The following MOCOS variants were observed in gnomAD, a reference collection of about 807,000 sequenced individuals.
MOCOS encodes the protein human molybdenum cofactor sulfurase.
In MOCOS, 86 loss-of-function variants were observed where a neutral mutation model predicts 83.6. The observed-to-expected ratio is 1.03, with a 90% CI of 0.86 to 1.23. The LOEUF is 1.23. MOCOS is among the 50% of genes most tolerant of loss of function. The pLI, the probability that MOCOS is intolerant of heterozygous loss-of-function variation, is 0.00. For synonymous variants in MOCOS, 445 were observed against 434.7 expected (o/e 1.02, Z -0.29); for missense variants, 1,120 against 1,126.9 (o/e 0.99, Z 0.09).
intron 8 of MOCOS, among the ~76,000 whole-genome samples, chr18:36,218,007 C>T (rs111633109): frequency 3.9e-5 from 6 of 152,098 alleles, no homozygotes; most frequent in Non-Finnish European, 7.4e-5. Context: ...CAAAGAACAT[C>T]ATCTCCATTA....
rs573860399 is a variant in MOCOS, at chr18:36,208,923, G to A, written c.1218+3647G>A. ...TTGCCCATTCAGTATGATGTTGGGT[G>A]TAGTTTTGTCATAGATGGGTCTTGT... On this transcript the variant is annotated intron_variant, in intron 6 of 14. Transcript: ENST00000261326. Among the ~76,000 whole-genome samples, 153 of 152,298 alleles carry A rather than the reference G, an allele frequency of 1.0e-3. 4 individuals carry two copies. Among genetic ancestry groups the A allele is most frequent in the African/African-American group, 3.6e-3 (149 of 41,556 alleles).
intron 2 of MOCOS, among the ~76,000 whole-genome samples, chr18:36,197,897 A>G (rs1394928967): frequency 6.6e-6 from 1 of 152,222 alleles, no homozygotes; most frequent in Non-Finnish European, 1.5e-5. Flanking sequence ...TGCCCATTAC[A>G]GCTAATCCTT....
chr18:36,200,064 G>A lies in MOCOS; in HGVS notation c.681G>A (p.Val227=). The A allele has an allele frequency of 6.2e-7, 1 of 1,614,142 alleles. No homozygotes were observed. The highest frequency in any genetic ancestry group is 1.3e-5 in the African/African-American group (1 of 75,046). ...TCAAGTCTGGGCGGTTGCACCCTGT[G>A]AGCACGCCTGGGAAGTGGTTTGTGC... The part of the protein sequence containing the change: ...EEVKSGRLHP[V]STPGKWFVLL... The change falls in exon 4 of 15, where the codon GTG becomes GTA. Residue 227 remains valine (V), a synonymous_variant. Coordinates refer to ENST00000261326, the MANE Select transcript of MOCOS (RefSeq NM_017947.4).
chr18:36,259,911 T>A lies in MOCOS; in HGVS notation c.2271-126T>A, dbSNP rs572932540. ...TCATGGTAAAAGTCTGTTTTGATTA[T>A]CCAGGGCACAGGCCACAGTAGAGCT... On this transcript the variant is annotated intron_variant, in intron 12 of 14. Transcript: ENST00000261326. 3.9e-4 allele frequency: 527 copies of A among 1,336,212 alleles called. 7 individuals are homozygous for A. In the South Asian group the frequency reaches 5.8e-3, roughly 15 times the overall value. 82.8% of individuals were successfully genotyped at this position (1,336,212 alleles called of 1,614,324 possible).
At chr18:36,236,721 G>T (rs550862568) in intron 9 of MOCOS, among the ~76,000 whole-genome samples, 1 of 141,826 alleles carries the variant, frequency 7.1e-6, no homozygotes, top group Non-Finnish European at 1.5e-5. Flanking sequence ...ATTACCTTGG[G>T]CAGTATGGCC....
intron 13 of MOCOS, among the ~76,000 whole-genome samples, chr18:36,262,249 C>CTACACACACACACACACACACACACACA (rs2091665996): frequency 4.8e-4 from 1 of 2,086 alleles, no homozygotes; most frequent in Non-Finnish European, 1.1e-3. Flanking sequence ...TCGTCTCTCT[C>CTACACACACACACACACACACACACACA]TACACACACA....
chr18:36,240,715 G>T (rs1195377562), intron 9 of MOCOS, among the ~76,000 whole-genome samples: 1 of 152,324 alleles, frequency 6.6e-6, no homozygotes, highest in South Asian at 2.1e-4. Context: ...GGGCAATGGT[G>T]GGCGCCCCTC....
At chr18:36,258,202 G>T (rs956287296) in intron 12 of MOCOS, among the ~76,000 whole-genome samples, 15 of 152,152 alleles carry the variant, frequency 9.9e-5, no homozygotes, top group African/African-American at 2.9e-4. Context: ...ACCAGGAGGG[G>T]CCACGTTCCC....
chr18:36,239,215 G>T (rs1466830913), intron 9 of MOCOS, among the ~76,000 whole-genome samples: 1 of 152,140 alleles, frequency 6.6e-6, no homozygotes, highest in East Asian at 1.9e-4. Context: ...ACTTGATGCA[G>T]TTTCTTCCTA....
intron 13 of MOCOS, among the ~76,000 whole-genome samples, chr18:36,260,938 G>C (rs1166819227): frequency 6.6e-6 from 1 of 151,822 alleles, no homozygotes; most frequent in African/African-American, 2.4e-5. Context: ...TCTCAGCTCA[G>C]ATGTCACCTT....
intron 6 of MOCOS, 150 bp downstream of exon 6, chr18:36,205,426 A>T: frequency 1.2e-6 from 1 of 824,584 alleles, no homozygotes; most frequent in Non-Finnish European, 2.0e-6. Flanking sequence ...CTCGTTTTTC[A>T]GTCCTCTTTA....
At chr18:36,257,479 G>C (rs1192123307) in intron 12 of MOCOS, among the ~76,000 whole-genome samples, 1 of 152,084 alleles carries the variant, frequency 6.6e-6, no homozygotes, top group Non-Finnish European at 1.5e-5. Context: ...CTAAAAAAGA[G>C]TGGTTATGAA....
chr18:36,227,777 G>A (rs2091523417), intron 9 of MOCOS, among the ~76,000 whole-genome samples: 1 of 152,084 alleles, frequency 6.6e-6, no homozygotes, highest in Non-Finnish European at 1.5e-5. Flanking sequence ...ATAAGTAAGG[G>A]CAAAGGTTTC....
rs148137052 is a variant in MOCOS, at chr18:36,200,173, A to G, written c.790A>G (p.Lys264Glu). The change falls in exon 4 of 15, where the codon AAG (lysine) becomes GAG (glutamate). Residue 264 changes from lysine (K) to glutamate (E), a missense_variant. Transcript: ENST00000261326. ...CGACTTTGTCCCCATCTCCTTCTAT[A>G]AGATCTTCGGGTTTCCTACAGGCCT... ...QADFVPISFY[K>E]IFGFPTGLGA... The G allele has an allele frequency of 4.7e-5, 76 of 1,614,120 alleles. No homozygotes were observed. The African/African-American group carries it at 9.7e-4, about 21-fold the overall frequency.
chr18:36,245,673 C>G (rs985724993), intron 9 of MOCOS, among the ~76,000 whole-genome samples: 26 of 152,322 alleles, frequency 1.7e-4, no homozygotes, highest in African/African-American at 6.0e-4. Flanking sequence ...GTCTAGATCT[C>G]TAGTGAGATC....
chr18:36,203,788 T>C (rs1168326097), intron 5 of MOCOS, among the ~76,000 whole-genome samples: 1 of 152,162 alleles, frequency 6.6e-6, no homozygotes, highest in Non-Finnish European at 1.5e-5. Flanking sequence ...TAGCCCAACA[T>C]AGGGGCAGAC....
intron 13 of MOCOS, 117 bp from the exon 14 acceptor site, chr18:36,266,632 C>T: frequency 2.5e-6 from 2 of 813,544 alleles, no homozygotes; most frequent in Admixed American, 2.0e-5. Context: ...TGAACAGGTG[C>T]CACGTTCTGG....
At chr18:36,262,273 A>ACACACACACACACACACACG (rs1192906827) in intron 13 of MOCOS, among the ~76,000 whole-genome samples, 2 of 151,272 alleles carry the variant, frequency 1.3e-5, no homozygotes, top group African/African-American at 4.9e-5. Context: ...ACACACACAC[A>ACACACACACACACACACACG]CACGAAAAAT....
intron 13 of MOCOS, among the ~76,000 whole-genome samples, chr18:36,265,173 T>A (rs1043300583): frequency 1.6e-4 from 24 of 152,246 alleles, no homozygotes; most frequent in East Asian, 9.6e-4. Flanking sequence ...TCTGAACTGC[T>A]GCAGTCCTGA....
Sources: gnomAD v4.1 joint callset for allele counts (sites outside exome capture counted in the v4.1 genomes callset) on GRCh38, gnomAD v4.1.1 for gene constraint, MANE v1.5 for transcripts, NCBI Gene and HGNC (gene_info 2026-07-23, HGNC 2026-07-21) for gene names.